CTNND2: variants seen among roughly 807,000 people sequenced by gnomAD.
The protein encoded by CTNND2 is catenin delta-2.
Under a neutral mutation model 144.4 loss-of-function variants are expected in CTNND2, and 22 were observed. The ratio of observed to expected loss-of-function variants is 0.15; its 90% CI spans 0.11 to 0.22. The LOEUF is 0.22. Among genes scored for constraint, CTNND2 ranks in the 10% least tolerant of loss-of-function variants. The pLI, the probability that CTNND2 is intolerant of heterozygous loss-of-function variation, is 1.00. For synonymous variants in CTNND2, 751 were observed against 695.6 expected (o/e 1.08, Z -1.25); for missense variants, 1,353 against 1,618.8 (o/e 0.84, Z 2.82).
Position 11,111,062 on chromosome 5 carries a change from C to T in CTNND2, c.2278-19G>A. 1.2e-6 allele frequency: 2 copies of T among 1,606,700 alleles called. No homozygotes were observed. Among genetic ancestry groups the T allele is most frequent in the Non-Finnish European group, 1.7e-6 (2 of 1,174,144 alleles). ...CAACGGTCTGCAGAAAAGGGGGAAA[C>T]AGAGGAAAGAATGAGTAAAACTAGC... On this transcript the variant is annotated intron_variant, in intron 13 of 21. Transcript: ENST00000304623.
intron 3 of CTNND2, among the ~76,000 whole-genome samples, chr5:11,502,299 C>A (rs1163571461): frequency 6.6e-6 from 1 of 152,152 alleles, no homozygotes; most frequent in East Asian, 1.9e-4. Context: ...TTTCTAGGTA[C>A]TGACTGTATA....
At chr5:11,150,311 G>A (rs540735299) in intron 12 of CTNND2, among the ~76,000 whole-genome samples, 2 of 152,118 alleles carry the variant, frequency 1.3e-5, no homozygotes, top group African/African-American at 2.4e-5. Context: ...GAGTAAATCC[G>A]GTGGACTTCT....
chr5:11,138,115 G>A (rs934348104), intron 12 of CTNND2, among the ~76,000 whole-genome samples: 4 of 152,200 alleles, frequency 2.6e-5, no homozygotes, highest in Admixed American at 6.5e-5. Flanking sequence ...GTTGTCAGCT[G>A]AGGATCTTTC....
At chr5:11,303,986 C>T (rs1395294491) in intron 9 of CTNND2, among the ~76,000 whole-genome samples, 4 of 152,104 alleles carry the variant, frequency 2.6e-5, no homozygotes, top group African/African-American at 9.7e-5. Context: ...ACCCCTTTCG[C>T]TTGGTTCTCA....
intron 3 of CTNND2, among the ~76,000 whole-genome samples, chr5:11,484,975 T>C (rs949141318): frequency 6.6e-6 from 1 of 152,158 alleles, no homozygotes; most frequent in African/African-American, 2.4e-5. Flanking sequence ...TACCTGATTA[T>C]ATCATATACT....
intron 11 of CTNND2, among the ~76,000 whole-genome samples, chr5:11,190,393 G>A (rs970404289): frequency 6.6e-6 from 1 of 152,316 alleles, no homozygotes; most frequent in East Asian, 1.9e-4. Flanking sequence ...CATAAGATGT[G>A]CCCTAGTGGC....
intron 12 of CTNND2, among the ~76,000 whole-genome samples, chr5:11,138,952 C>A (rs1276027960): frequency 6.6e-6 from 1 of 151,638 alleles, no homozygotes; most frequent in African/African-American, 2.4e-5. Flanking sequence ...CTTTCCCTGT[C>A]TTCAGAGGAG....
At chr5:11,259,071 G>A (rs569234912) in intron 9 of CTNND2, among the ~76,000 whole-genome samples, 4 of 152,288 alleles carry the variant, frequency 2.6e-5, no homozygotes, top group Admixed American at 2.6e-4. Flanking sequence ...TCTACAATCA[G>A]TTGACTTCAA....
intron 12 of CTNND2, among the ~76,000 whole-genome samples, chr5:11,131,713 C>A (rs902806872): frequency 2.0e-5 from 3 of 151,770 alleles, no homozygotes; most frequent in African/African-American, 7.3e-5. Context: ...GGCATGAACC[C>A]GGGAGGCGGA....
At chr5:11,298,021 C>T (rs1413827283) in intron 9 of CTNND2, among the ~76,000 whole-genome samples, 2 of 152,142 alleles carry the variant, frequency 1.3e-5, no homozygotes, top group Admixed American at 6.5e-5. Flanking sequence ...TCTGCTTTCT[C>T]TTAATGACAT....
rs71582432 is a variant in CTNND2, at chr5:11,382,595, C to CTGTGTGTGTG, written c.1177+2060_1177+2069dup. ...CCTGGGCAACCGACAGAGTGAGACTCTGTGTGTGTGTGTGTGTGTGTGTGT... is the reference window on the plus strand; with the variant it reads ...CCTGGGCAACCGACAGAGTGAGACTCTGTGTGTGTGTGTGTGTGTGTGTGTGTGTGTGTGT... On this transcript the variant is annotated intron_variant, in intron 7 of 21. Coordinates refer to ENST00000304623, the MANE Select transcript of CTNND2 (RefSeq NM_001332.4). 3.5e-3 allele frequency among the ~76,000 whole-genome samples: 452 copies of CTGTGTGTGTG among 130,186 alleles called. 1 individual carries two copies. Among genetic ancestry groups the CTGTGTGTGTG allele is most frequent in the African/African-American group, 5.3e-3 (177 of 33,100 alleles). The allele number at this position is 130,186 out of a possible 152,430, so 85.4% of individuals were successfully genotyped here.
chr5:11,527,026 A>G (rs1773314448), intron 3 of CTNND2, among the ~76,000 whole-genome samples: 1 of 152,188 alleles, frequency 6.6e-6, no homozygotes, highest in South Asian at 2.1e-4. Context: ...TAATGTACCT[A>G]GAGTAGGCAA....
chr5:11,095,020 T>C (rs575322971), intron 15 of CTNND2, among the ~76,000 whole-genome samples: 1 of 152,374 alleles, frequency 6.6e-6, no homozygotes, highest in South Asian at 2.1e-4. Flanking sequence ...AAGAGGCTAT[T>C]GCCAGAAAAT....
At chr5:11,376,193 A>G (rs1198917900) in intron 7 of CTNND2, among the ~76,000 whole-genome samples, 1 of 152,158 alleles carries the variant, frequency 6.6e-6, no homozygotes, top group Non-Finnish European at 1.5e-5. Flanking sequence ...TAAGTTACAC[A>G]ATTTATGATA....
chr5:11,385,077 G>A lies in CTNND2; in HGVS notation c.765C>T (p.Ser255=). ...PAAAAAALYY[S]SSTLPAPPRG... is the part of the protein sequence containing the mutation. Reference sequence around the variant, plus strand: ...GCGGCGGCGCGGGCAGCGTGGAGCTGGAGTAGTAGAGCGCGGCGGCGGCGG... The same window carrying A: ...GCGGCGGCGCGGGCAGCGTGGAGCTAGAGTAGTAGAGCGCGGCGGCGGCGG... Residue 255 remains serine, a synonymous_variant, in exon 7 of 22, where the codon TCC becomes TCT. Coordinates refer to ENST00000304623, the MANE Select transcript of CTNND2 (RefSeq NM_001332.4). 1 of 1,079,098 alleles carries A rather than the reference G, an allele frequency of 9.3e-7. No homozygotes were observed. The highest frequency in any genetic ancestry group is 1.1e-6 in the Non-Finnish European group (1 of 895,276). 66.8% of individuals were successfully genotyped at this position (1,079,098 alleles called of 1,614,324 possible).
At chr5:11,328,886 T>C (rs1429669322) in intron 9 of CTNND2, among the ~76,000 whole-genome samples, 1 of 152,228 alleles carries the variant, frequency 6.6e-6, no homozygotes, top group Non-Finnish European at 1.5e-5. Flanking sequence ...ATTAGTTTAC[T>C]GGGCCTGCCC....
chr5:11,577,439 T>G (rs765614816), intron 2 of CTNND2, among the ~76,000 whole-genome samples: 1 of 152,300 alleles, frequency 6.6e-6, no homozygotes, highest in East Asian at 1.9e-4. Context: ...AAGATGACTT[T>G]CCCTTAGAAA....
At chr5:11,184,453 A>T (rs965687967) in intron 11 of CTNND2, among the ~76,000 whole-genome samples, 12 of 152,226 alleles carry the variant, frequency 7.9e-5, no homozygotes, top group Non-Finnish European at 1.2e-4. Flanking sequence ...TCAAAAAAAA[A>T]TCCAACATGC....
chr5:11,835,653 G>A (rs150765879), intron 1 of CTNND2, among the ~76,000 whole-genome samples: 1 of 152,190 alleles, frequency 6.6e-6, no homozygotes, highest in Non-Finnish European at 1.5e-5. Flanking sequence ...AGTATGTAAC[G>A]ATATTCCCAG....
Sources: allele counts gnomAD v4.1 joint callset (sites outside exome capture counted in the v4.1 genomes callset), GRCh38; gene constraint gnomAD v4.1.1; transcripts MANE v1.5; gene names NCBI Gene and HGNC (gene_info 2026-07-23, HGNC 2026-07-21).